The following ELAPOR1 variants were observed in gnomAD, a reference collection of about 807,000 sequenced individuals.
ELAPOR1 encodes the protein endosome/lysosome-associated apoptosis and autophagy regulator 1.
ELAPOR1 carries 77 observed loss-of-function variants against 119.7 expected under a neutral mutation model. The observed-to-expected ratio is 0.64, with a 90% CI of 0.54 to 0.78. The LOEUF is 0.78. Ranked by LOEUF, ELAPOR1 falls within the 30% of genes least tolerant of loss-of-function variation. The pLI is 0.00. For synonymous variants in ELAPOR1, 481 were observed against 487.2 expected, an observed-to-expected ratio of 0.99 and a Z score of 0.17; for missense variants, 1,115 against 1,270.4, an observed-to-expected ratio of 0.88 and a Z score of 1.86.
At chr1:109,177,233 G>A (rs1449970127) in intron 7 of ELAPOR1, among the ~76,000 whole-genome samples, 4 of 148,194 alleles carry the variant, frequency 2.7e-5, no homozygotes, top group Non-Finnish European at 4.5e-5. Context: ...CCGGGCGGGG[G>A]GCTGACCCCC....
chr1:109,117,417 C>T (rs1356662155), intron 1 of ELAPOR1, among the ~76,000 whole-genome samples: 1 of 152,216 alleles, frequency 6.6e-6, no homozygotes, highest in Admixed American at 6.5e-5. Context: ...ACACGCTCTA[C>T]CTTATCCTGA....
At chr1:109,181,478 A>T (rs981218033) in intron 7 of ELAPOR1, among the ~76,000 whole-genome samples, 1 of 152,202 alleles carries the variant, frequency 6.6e-6, no homozygotes, top group Non-Finnish European at 1.5e-5. Flanking sequence ...CATTTTGGTT[A>T]ATCATTTATT....
chr1:109,198,703 G>A, intron 18 of ELAPOR1, 29 bp downstream of exon 18: 2 of 1,573,194 alleles, frequency 1.3e-6, no homozygotes, highest in Non-Finnish European at 1.7e-6. Flanking sequence ...TGTAACAAAG[G>A]CCAAAATCTC....
chr1:109,120,168 C>T (rs1408110368), intron 1 of ELAPOR1, among the ~76,000 whole-genome samples: 1 of 152,134 alleles, frequency 6.6e-6, no homozygotes, highest in Non-Finnish European at 1.5e-5. Flanking sequence ...GAGGCCGAGG[C>T]AGGCTGATCG....
chr1:109,176,911 C>T (rs1231472487), intron 7 of ELAPOR1, among the ~76,000 whole-genome samples: 1 of 145,876 alleles, frequency 6.9e-6, no homozygotes, highest in African/African-American at 2.6e-5. Context: ...TCAGAGAGCA[C>T]AGGGTTGGGG....
chr1:109,128,159 C>T (rs2100974552), intron 1 of ELAPOR1, among the ~76,000 whole-genome samples: 1 of 152,214 alleles, frequency 6.6e-6, no homozygotes, highest in Non-Finnish European at 1.5e-5. Context: ...ACGCATCAGC[C>T]ACTGCACCTG....
chr1:109,146,527 G>A (rs1009543191), intron 1 of ELAPOR1, among the ~76,000 whole-genome samples: 29 of 152,214 alleles, frequency 1.9e-4, no homozygotes, highest in Non-Finnish European at 1.8e-4. Context: ...AAGGAGGCTG[G>A]AGGGTGTAGG....
At chr1:109,166,132 G>A (rs1222924622) in intron 3 of ELAPOR1, among the ~76,000 whole-genome samples, 1 of 152,038 alleles carries the variant, frequency 6.6e-6, no homozygotes, top group African/African-American at 2.4e-5. Context: ...AGCCAGGATG[G>A]TCTCGATCTC....
At chr1:109,188,516 G>T (rs1249109156) in intron 9 of ELAPOR1, among the ~76,000 whole-genome samples, 162 bp downstream of exon 9, 1 of 152,210 alleles carries the variant, frequency 6.6e-6, no homozygotes, top group East Asian at 1.9e-4. Flanking sequence ...GAGAAGAGAG[G>T]TCAGGGCTGG....
intron 1 of ELAPOR1, among the ~76,000 whole-genome samples, chr1:109,144,298 C>T (rs1453256907): frequency 6.6e-6 from 1 of 151,168 alleles, no homozygotes; most frequent in Non-Finnish European, 1.5e-5. Context: ...GTGATCTGCC[C>T]AACTTGGCCT....
intron 1 of ELAPOR1, among the ~76,000 whole-genome samples, chr1:109,154,213 G>A (rs1181339287): frequency 6.7e-6 from 1 of 149,830 alleles, no homozygotes; most frequent in Non-Finnish European, 1.5e-5. Flanking sequence ...CCTGGGAGGC[G>A]GAGGTTGCAG....
chr1:109,164,332 A>G (rs1651441586), intron 2 of ELAPOR1, among the ~76,000 whole-genome samples, 167 bp from the exon 3 acceptor site: 1 of 152,164 alleles, frequency 6.6e-6, no homozygotes, highest in East Asian at 1.9e-4. Context: ...AAATTTTTTT[A>G]AGAAAAATAA....
intron 1 of ELAPOR1, among the ~76,000 whole-genome samples, chr1:109,122,549 C>T (rs1034730547): frequency 2.6e-4 from 39 of 151,930 alleles, no homozygotes; most frequent in African/African-American, 9.2e-4. Context: ...TAGACCCAGA[C>T]ACTAGGGAGA....
rs944786690 is a variant in ELAPOR1 at position 109,122,395 on chromosome 1, G to A, written c.153+8059G>A. 1.4e-4 allele frequency among the ~76,000 whole-genome samples: 21 copies of A among 147,026 alleles called. No individual in the cohort carries two copies. The South Asian group carries it at 3.0e-3, about 21-fold the overall frequency. On this transcript the variant is annotated intron_variant, in intron 1 of 21. Coordinates refer to ENST00000369939, the MANE Select transcript of ELAPOR1 (RefSeq NM_020775.5). The stretch of plus-strand genomic sequence containing the variant: ...AAAAAAAGGCAGGATGTAGTGGCTC[G>A]TCCCGGTAATCCCAGTACTTTGGGA...
chr1:109,176,275 T>C (rs924190314), intron 7 of ELAPOR1, among the ~76,000 whole-genome samples: 8 of 152,148 alleles, frequency 5.3e-5, no homozygotes, highest in African/African-American at 9.7e-5. Flanking sequence ...GTCCAGACAT[T>C]GGTATGAGGG....
At chr1:109,116,582 A>G (rs931907147) in intron 1 of ELAPOR1, among the ~76,000 whole-genome samples, 7 of 152,112 alleles carry the variant, frequency 4.6e-5, no homozygotes, top group Non-Finnish European at 8.8e-5. Flanking sequence ...CCATTATTAT[A>G]GTATTCATTT....
intron 1 of ELAPOR1, among the ~76,000 whole-genome samples, chr1:109,158,569 C>G (rs578217980): frequency 6.6e-6 from 1 of 152,236 alleles, no homozygotes; most frequent in Admixed American, 6.5e-5. Flanking sequence ...TTTCTAAACC[C>G]TTCCTTTGTT....
chr1:109,178,160 C>A (rs778932372), intron 7 of ELAPOR1, among the ~76,000 whole-genome samples: 4 of 152,056 alleles, frequency 2.6e-5, no homozygotes, highest in Non-Finnish European at 5.9e-5. Flanking sequence ...CAGGTGCCTG[C>A]CACTATGCTT....
intron 4 of ELAPOR1, among the ~76,000 whole-genome samples, 157 bp from the exon 5 acceptor site, chr1:109,172,331 T>C (rs1651974823): frequency 6.6e-6 from 1 of 152,218 alleles, no homozygotes; most frequent in Non-Finnish European, 1.5e-5. Context: ...ACTCCTGCCC[T>C]ACTTTGAGGC....
Sources: gnomAD v4.1 joint callset for allele counts (sites outside exome capture counted in the v4.1 genomes callset) on GRCh38, gnomAD v4.1.1 for gene constraint, MANE v1.5 for transcripts, NCBI Gene and HGNC (gene_info 2026-07-23, HGNC 2026-07-21) for gene names.